HOXC4: variants seen among roughly 807,000 people sequenced by gnomAD.
HOXC4 encodes the protein homeobox protein Hox-C4.
A neutral mutation model predicts 25.5 loss-of-function variants in HOXC4; 15 were observed. That is an observed-to-expected ratio of 0.59 (90% confidence interval 0.39 to 0.91). The LOEUF (loss-of-function observed/expected upper bound fraction) is 0.91. Among genes scored for constraint, HOXC4 ranks in the 40% least tolerant of loss-of-function variants. The probability of loss-of-function intolerance (pLI) is 0.00; values close to 1 mark genes in which losing one functional copy is unlikely to be tolerated. For synonymous variants in HOXC4, 165 were observed against 148.0 expected, an observed-to-expected ratio of 1.11 and a Z score of -0.83; for missense variants, 342 against 352.4, an observed-to-expected ratio of 0.97 and a Z score of 0.24.
chr12:54,025,105 G>C lies in HOXC4; in HGVS notation c.-124+7691G>C, dbSNP rs567346754. On this transcript the variant is annotated intron_variant, in intron 1 of 3. Transcript: ENST00000303406. The stretch of plus-strand genomic sequence containing the variant: ...GAGACCTGCAAGCCTGATGGGGTTG[G>C]GGGGTAGTGTTCTCTGATTTCTTTA... Among the ~76,000 whole-genome samples, 30 of 152,272 alleles carry C rather than the reference G, an allele frequency of 2.0e-4. No homozygotes were observed. The South Asian group carries it at 5.0e-3, about 25-fold the overall frequency.
upstream of HOXC4, among the ~76,000 whole-genome samples, chr12:54,051,143 T>TGTGA (rs1937835546): frequency 6.6e-6 from 1 of 151,652 alleles, no homozygotes; most frequent in South Asian, 2.1e-4. Context: ...AAAAGGTGAG[T>TGTGA]GTGAGGGCTG....
chr12:54,029,301 G>A (rs1248867336), intron 1 of HOXC4, among the ~76,000 whole-genome samples: 1 of 152,162 alleles, frequency 6.6e-6, no homozygotes, highest in African/African-American at 2.4e-5. Flanking sequence ...TTGGGGAGAT[G>A]GGGGAGCCCA....
At chr12:54,043,182 G>A (rs973774780) in intron 1 of HOXC4, among the ~76,000 whole-genome samples, 11 of 152,200 alleles carry the variant, frequency 7.2e-5, no homozygotes, top group African/African-American at 2.2e-4. Context: ...GCCCTGAGCC[G>A]GTCCACTGCT....
rs984951104 is a variant in HOXC4, at chr12:54,028,801, C to T, written c.-124+11387C>T. 4 of 1,614,020 alleles carry T rather than the reference C, an allele frequency of 2.5e-6. No homozygotes were observed. In the African/African-American group the frequency reaches 4.0e-5, roughly 16 times the overall value. ...AAACTGCAGACAAAACACCTTAGGA[C>T]ATAACACACAGACCTCAATCGCTCA... On this transcript the variant is annotated intron_variant, in intron 1 of 3. Transcript: ENST00000303406.
chr12:54,029,780 A>G (rs751262560), intron 1 of HOXC4: 22 of 1,614,150 alleles, frequency 1.4e-5, no homozygotes, highest in Non-Finnish European at 1.7e-5. Flanking sequence ...CGAGATCGCC[A>G]ACGCGCTTTG....
chr12:54,033,203 TG>T, intron 1 of HOXC4: 2 of 1,614,196 alleles, frequency 1.2e-6, no homozygotes, highest in Non-Finnish European at 1.7e-6. Flanking sequence ...GTGGGAACTA[TG>T]GATCGGCCTC....
intron 1 of HOXC4, among the ~76,000 whole-genome samples, chr12:54,035,721 C>A (rs1941171398): frequency 6.6e-6 from 1 of 152,192 alleles, no homozygotes; most frequent in African/African-American, 2.4e-5. Flanking sequence ...GCCTTAGGAC[C>A]TTCTGGGCCT....
At chr12:54,051,764 A>G (rs1937851685), upstream of HOXC4, among the ~76,000 whole-genome samples, 1 of 152,152 alleles carries the variant, frequency 6.6e-6, no homozygotes, top group South Asian at 2.1e-4. Context: ...CTGGGGGCCT[A>G]AGCATTGGAG....
upstream of HOXC4, among the ~76,000 whole-genome samples, chr12:54,049,053 A>T (rs1937783810): frequency 6.6e-6 from 1 of 152,196 alleles, no homozygotes; most frequent in South Asian, 2.1e-4. Flanking sequence ...TTTAAAAAGG[A>T]TATCATCCAG....
intron 1 of HOXC4, chr12:54,034,676 G>A (rs1425250471): frequency 5.1e-6 from 3 of 590,672 alleles, no homozygotes; most frequent in Non-Finnish European, 9.0e-6. Context: ...GGGTTCCCGC[G>A]GGGCTGTCGG....
chr12:54,036,564 T>C (rs1016238139), intron 1 of HOXC4, among the ~76,000 whole-genome samples: 1 of 152,150 alleles, frequency 6.6e-6, no homozygotes, highest in African/African-American at 2.4e-5. Flanking sequence ...AACAAATGCT[T>C]ATTGAACAGT....
At chr12:54,054,621 G>T (rs1378562463) in intron 1 of HOXC4, among the ~76,000 whole-genome samples, 1 of 152,104 alleles carries the variant, frequency 6.6e-6, no homozygotes, top group Admixed American at 6.5e-5. Context: ...AACTATGCTC[G>T]CTTTCTAAGG....
At chr12:54,022,929 CCCTATTGCGGCTTCTT>C (rs1049499485) in intron 1 of HOXC4, among the ~76,000 whole-genome samples, 14 of 152,286 alleles carry the variant, frequency 9.2e-5, no homozygotes, top group Admixed American at 3.3e-4. Context: ...GCAGCACACC[CCCTATTGCGGCTTCTT>C]CCTCATGTGA....
Position 54,055,837 on chromosome 12 carries a change from C to CCAAA in HOXC4, c.*633_*636dup, listed in dbSNP as rs1361753150. 6.6e-6 allele frequency: 1 copy of CCAAA among 152,452 alleles called. No homozygotes were observed. Among genetic ancestry groups the CCAAA allele is most frequent in the Non-Finnish European group, 1.5e-5 (1 of 68,028 alleles). The allele number at this position is 152,452 out of a possible 1,614,324, so 9.4% of individuals were successfully genotyped here. A position where few individuals can be genotyped will look rare whatever the true frequency, so the allele number is the denominator to read the frequency against. Reference sequence around the variant, plus strand: ...TCTCAGAGCTGTTCAGTTTGAGGAGCCAAAAGAAAATCAAAATGAACTTTC... The same window carrying CCAAA: ...TCTCAGAGCTGTTCAGTTTGAGGAGCCAAACAAAAGAAAATCAAAATGAACTTTC... On this transcript the variant is annotated 3_prime_UTR_variant, in exon 2 of 2. Coordinates refer to ENST00000430889, the MANE Select transcript of HOXC4 (RefSeq NM_153633.3).
chr12:54,055,285 A>AAT lies in HOXC4; in HGVS notation c.*106_*107dup, dbSNP rs60894549. ...AAATTGACTCTTATTTATAGAATTTAATATATATATATATATATATATATA... is the reference window on the plus strand; with the variant it reads ...AAATTGACTCTTATTTATAGAATTTAATATATATATATATATATATATATATA... On this transcript the variant is annotated 3_prime_UTR_variant, in exon 2 of 2. Transcript: ENST00000430889. 17,182 of 225,520 alleles carry AAT rather than the reference A, an allele frequency of 0.076. 327 individuals are homozygous for AAT. Among genetic ancestry groups the AAT allele is most frequent in the Non-Finnish European group, 0.081 (10,477 of 129,754 alleles). 14.0% of individuals were successfully genotyped at this position (225,520 alleles called of 1,614,324 possible). A position where few individuals can be genotyped will look rare whatever the true frequency, so the allele number is the denominator to read the frequency against.
intron 1 of HOXC4, chr12:54,020,676 T>G (rs752755489): frequency 2.0e-5 from 3 of 152,208 alleles, no homozygotes; most frequent in Non-Finnish European, 4.4e-5. Flanking sequence ...ATGCAAAATT[T>G]TGTTAGTCCT....
upstream of HOXC4, among the ~76,000 whole-genome samples, chr12:54,050,772 T>C (rs1243276680): frequency 6.6e-6 from 1 of 152,184 alleles, no homozygotes; most frequent in Non-Finnish European, 1.5e-5. Context: ...TTTGGGGGAA[T>C]CTTGGAGATT....
intron 1 of HOXC4, among the ~76,000 whole-genome samples, chr12:54,029,323 A>G (rs985339959): frequency 2.0e-5 from 3 of 151,846 alleles, no homozygotes; most frequent in Non-Finnish European, 2.9e-5. Flanking sequence ...TCCTTGAGAA[A>G]GGGGGCCCTC....
intron 1 of HOXC4, chr12:54,020,050 C>T (rs1342403850): frequency 6.6e-6 from 1 of 152,360 alleles, no homozygotes; most frequent in East Asian, 1.9e-4. Flanking sequence ...GATTTTCTTT[C>T]CCTTCTCCTT....
Sources: gnomAD v4.1 joint callset for allele counts (sites outside exome capture counted in the v4.1 genomes callset) on GRCh38, gnomAD v4.1.1 for gene constraint, MANE v1.5 for transcripts, NCBI Gene and HGNC (gene_info 2026-07-23, HGNC 2026-07-21) for gene names.